Variants in ATRNL1 observed in about 807,000 individuals in gnomAD.
ATRNL1 encodes the protein attractin like 1.
In ATRNL1, 95 loss-of-function variants were observed where a neutral mutation model predicts 182.7. That is an observed-to-expected ratio of 0.52 (90% confidence interval 0.44 to 0.62). The LOEUF (loss-of-function observed/expected upper bound fraction) is 0.62, where lower values mean the gene tolerates loss of function less well. ATRNL1 is among the 20% of genes least tolerant of loss of function. The probability of loss-of-function intolerance (pLI) is 0.00; values close to 1 mark genes in which losing one functional copy is unlikely to be tolerated. For missense variants in ATRNL1, 1,471 were observed against 1,679.5 expected, an observed-to-expected ratio of 0.88 and a Z score of 2.17; for synonymous variants, 576 against 568.3, an observed-to-expected ratio of 1.01 and a Z score of -0.19.
At chr10:115,412,513 T>C (rs1845193210) in intron 20 of ATRNL1, among the ~76,000 whole-genome samples, 1 of 152,204 alleles carries the variant, frequency 6.6e-6, no homozygotes, top group African/African-American at 2.4e-5. Context: ...TTACCAAATT[T>C]ATGTATTTTT....
At chr10:115,575,894 C>T (rs1372700710) in intron 26 of ATRNL1, among the ~76,000 whole-genome samples, 2 of 151,926 alleles carry the variant, frequency 1.3e-5, no homozygotes, top group Admixed American at 6.6e-5. Context: ...AATATCTCTC[C>T]TTTTGCTCTG....
chr10:115,462,436 T>A (rs201179150), intron 22 of ATRNL1, among the ~76,000 whole-genome samples: 2 of 151,752 alleles, frequency 1.3e-5, no homozygotes, highest in Non-Finnish European at 2.9e-5. Context: ...ATGTGGTGAA[T>A]CCCCATCTCT....
chr10:115,742,674 C>T (rs575423941), intron 27 of ATRNL1, among the ~76,000 whole-genome samples: 114 of 152,244 alleles, frequency 7.5e-4, no homozygotes, highest in African/African-American at 2.6e-3. Flanking sequence ...ATCACTACTG[C>T]CCCTGTTTCA....
chr10:115,755,706 C>A (rs1440756855), intron 27 of ATRNL1, among the ~76,000 whole-genome samples: 2 of 152,068 alleles, frequency 1.3e-5, no homozygotes, highest in East Asian at 3.9e-4. Flanking sequence ...GGAGGATTCC[C>A]TTTTTTTCTA....
chr10:115,675,426 G>T (rs1464876108), intron 26 of ATRNL1, among the ~76,000 whole-genome samples: 1 of 152,050 alleles, frequency 6.6e-6, no homozygotes, highest in Non-Finnish European at 1.5e-5. Flanking sequence ...GAAAGAGAAA[G>T]AAGAAAAGAA....
chr10:115,392,617 G>A (rs2134273395), intron 19 of ATRNL1, among the ~76,000 whole-genome samples: 1 of 152,180 alleles, frequency 6.6e-6, no homozygotes, highest in East Asian at 1.9e-4. Context: ...ATAGTCTTAT[G>A]TGTGAAGAAT....
intron 6 of ATRNL1, among the ~76,000 whole-genome samples, chr10:115,161,221 T>C (rs1316737027): frequency 1.3e-5 from 2 of 151,994 alleles, no homozygotes; most frequent in African/African-American, 2.4e-5. Flanking sequence ...AGGAGATTGC[T>C]TTAAAACTAT....
chr10:115,720,850 T>C (rs1555057563), intron 26 of ATRNL1, among the ~76,000 whole-genome samples: 1 of 152,206 alleles, frequency 6.6e-6, no homozygotes, highest in Non-Finnish European at 1.5e-5. Flanking sequence ...AATTCTAAAG[T>C]AGTTTTGCTG....
At position 115,359,221 on chromosome 10, in the gene ATRNL1, G is replaced by C. The variant is rs186008660; in HGVS notation, c.3175+24802G>C. ...GCAGGATGTGAACATCTTTATGAGA[G>C]AATTTTTGTCTCATATGTTTTGTAG... On this transcript the variant is annotated intron_variant, in intron 19 of 28. Transcript: ENST00000355044. Among the ~76,000 whole-genome samples, 335 of 151,642 alleles carry C rather than the reference G, an allele frequency of 2.2e-3. 1 individual carries two copies. Among genetic ancestry groups the C allele is most frequent in the African/African-American group, 7.8e-3 (324 of 41,480 alleles).
intron 19 of ATRNL1, among the ~76,000 whole-genome samples, chr10:115,346,484 A>G (rs1209312106): frequency 2.0e-5 from 3 of 152,170 alleles, no homozygotes; most frequent in Non-Finnish European, 4.4e-5. Flanking sequence ...ATGTATTAGT[A>G]CATTCACAAT....
intron 26 of ATRNL1, among the ~76,000 whole-genome samples, chr10:115,577,114 A>G (rs1854765862): frequency 6.6e-6 from 1 of 151,872 alleles, no homozygotes; most frequent in Non-Finnish European, 1.5e-5. Context: ...CAGTATCATA[A>G]TATTTAATTA....
chr10:115,804,077 C>A (rs535877093), intron 27 of ATRNL1, among the ~76,000 whole-genome samples: 3 of 152,100 alleles, frequency 2.0e-5, no homozygotes, highest in Non-Finnish European at 4.4e-5. Flanking sequence ...TAACTGTTAT[C>A]ATTACTTCAG....
chr10:115,800,066 C>G (rs1298318152), intron 27 of ATRNL1, among the ~76,000 whole-genome samples: 2 of 151,806 alleles, frequency 1.3e-5, no homozygotes, highest in Non-Finnish European at 2.9e-5. Context: ...ACTAAAAATA[C>G]AAAATTAGCT....
chr10:115,928,768 A>G (rs1260178380), intron 28 of ATRNL1, among the ~76,000 whole-genome samples: 1 of 151,992 alleles, frequency 6.6e-6, no homozygotes, highest in Admixed American at 6.6e-5. Flanking sequence ...CAGTATACAT[A>G]TGATAAAATA....
chr10:115,508,684 T>A (rs757250098), intron 24 of ATRNL1, among the ~76,000 whole-genome samples: 2 of 152,148 alleles, frequency 1.3e-5, no homozygotes, highest in East Asian at 3.9e-4. Context: ...AGAGCCTAAC[T>A]TTCTTCAATT....
intron 26 of ATRNL1, among the ~76,000 whole-genome samples, chr10:115,575,337 G>A (rs1239352172): frequency 1.3e-5 from 2 of 152,148 alleles, no homozygotes; most frequent in Middle Eastern, 3.2e-3. Flanking sequence ...ATTAAAGAAT[G>A]TTCATGTTCA....
chr10:115,625,423 T>G (rs1292940421), intron 26 of ATRNL1, among the ~76,000 whole-genome samples: 8 of 152,214 alleles, frequency 5.3e-5, no homozygotes, highest in African/African-American at 1.9e-4. Flanking sequence ...TTAATGCTAT[T>G]AATTTCTTGG....
intron 20 of ATRNL1, among the ~76,000 whole-genome samples, chr10:115,397,110 G>T (rs628063): frequency 0.37 from 55,270 of 151,172 alleles, 10,873 homozygotes; most frequent in African/African-American, 0.52. Context: ...GCAATTAATT[G>T]CTATAATCTG....
chr10:115,824,634 A>C (rs560737136), intron 27 of ATRNL1, among the ~76,000 whole-genome samples: 2 of 152,328 alleles, frequency 1.3e-5, no homozygotes, highest in Admixed American at 1.3e-4. Context: ...TTCTCAAAAG[A>C]AGACATTTAT....
Sources: allele counts gnomAD v4.1 joint callset (sites outside exome capture counted in the v4.1 genomes callset), GRCh38; gene constraint gnomAD v4.1.1; transcripts MANE v1.5; gene names NCBI Gene and HGNC (gene_info 2026-07-23, HGNC 2026-07-21).